The following GPHN variants were observed in gnomAD, a reference collection of about 807,000 sequenced individuals.
The protein encoded by GPHN is gephyrin.
In GPHN, 17 loss-of-function variants were observed where a neutral mutation model predicts 95.5. The observed-to-expected ratio is 0.18, with a 90% CI of 0.12 to 0.27. The LOEUF is 0.27. GPHN is among the 10% of genes least tolerant of loss of function. The pLI is 1.00. For missense variants in GPHN, 660 were observed against 978.1 expected, an observed-to-expected ratio of 0.67 and a Z score of 4.34; for synonymous variants, 320 against 322.5, an observed-to-expected ratio of 0.99 and a Z score of 0.08.
At position 66,562,155 on chromosome 14, in the gene GPHN, C is replaced by G. The variant is rs143462481; in HGVS notation, c.64+53564C>G. On this transcript the variant is annotated intron_variant, in intron 1 of 22. Coordinates refer to ENST00000478722, the MANE Select transcript of GPHN (RefSeq NM_020806.5). Reference sequence around the variant, plus strand: ...GCTACATGAAGGGAAGAAAAAATGTCCTTTTTTCCTCCCTCTACTCTCCTA... The same window carrying G: ...GCTACATGAAGGGAAGAAAAAATGTGCTTTTTTCCTCCCTCTACTCTCCTA... 8.5e-5 allele frequency among the ~76,000 whole-genome samples: 13 copies of G among 152,172 alleles called. No individual in the cohort carries two copies. The East Asian group carries it at 2.5e-3, about 29-fold the overall frequency.
chr14:66,847,850 C>T (rs764373483), intron 4 of GPHN, among the ~76,000 whole-genome samples: 19 of 151,996 alleles, frequency 1.3e-4, no homozygotes, highest in Non-Finnish European at 1.8e-4. Flanking sequence ...CTTAATCTCT[C>T]TTCTCCCCCT....
At chr14:67,023,067 ATAAAT>A (rs1340293425) in intron 9 of GPHN, among the ~76,000 whole-genome samples, 1 of 152,084 alleles carries the variant, frequency 6.6e-6, no homozygotes, top group Non-Finnish European at 1.5e-5. Context: ...TATAACTATG[ATAAAT>A]TATGATAATC....
the GPHN span, chr14:67,453,960 T>TA: frequency 3.6e-4 from 55 of 152,284 alleles, no homozygotes; most frequent in African/African-American, 1.3e-3. Flanking sequence ...AGGAGGGCCT[T>TA]AAAAAAGGTA....
chr14:67,583,765 C>G, the GPHN span: 1 of 1,611,724 alleles, frequency 6.2e-7, no homozygotes, highest in Non-Finnish European at 8.5e-7. Flanking sequence ...CTTGGAGAAG[C>G]CTGCCCTGCC....
intron 3 of GPHN, among the ~76,000 whole-genome samples, chr14:66,808,109 T>C (rs532996437): frequency 6.6e-6 from 1 of 152,224 alleles, no homozygotes; most frequent in South Asian, 2.1e-4. Flanking sequence ...AAATATGTTT[T>C]TAAGTTTTTT....
At chr14:66,509,301 C>CG (rs3840818) in intron 1 of GPHN, 50,176 of 152,186 alleles carry the variant, frequency 0.33, 12,220 homozygotes, top group African/African-American at 0.66. Context: ...AGCCTGCTGC[C>CG]GGGGATCCAG....
At chr14:66,804,196 G>T (rs147551042) in intron 3 of GPHN, among the ~76,000 whole-genome samples, 1 of 152,184 alleles carries the variant, frequency 6.6e-6, no homozygotes, top group African/African-American at 2.4e-5. Context: ...CAGGAATTGA[G>T]CTGGATTACA....
At chr14:66,931,642 G>A (rs1223411911) in intron 8 of GPHN, among the ~76,000 whole-genome samples, 1 of 152,008 alleles carries the variant, frequency 6.6e-6, no homozygotes, top group Non-Finnish European at 1.5e-5. Context: ...TTATGCTGTT[G>A]AAAGACTCTG....
intron 8 of GPHN, among the ~76,000 whole-genome samples, chr14:66,935,702 G>A (rs918403502): frequency 1.1e-4 from 16 of 151,224 alleles, no homozygotes; most frequent in Admixed American, 3.3e-4. Context: ...ACATGTATAC[G>A]TATACATGTG....
At chr14:67,335,477 C>T in the GPHN span, 1 of 152,512 alleles carries the variant, frequency 6.6e-6, no homozygotes, top group Non-Finnish European at 1.5e-5. Context: ...TAGGTTGGTG[C>T]ATAACTTTGT....
intron 4 of GPHN, among the ~76,000 whole-genome samples, chr14:66,844,889 C>T (rs530440014): frequency 1.3e-5 from 2 of 152,206 alleles, no homozygotes; most frequent in Non-Finnish European, 2.9e-5. Flanking sequence ...ATTCCTCCCT[C>T]CCCCAACCCC....
intron 8 of GPHN, among the ~76,000 whole-genome samples, chr14:66,949,718 A>G (rs529837542): frequency 1.3e-5 from 2 of 152,166 alleles, no homozygotes; most frequent in Non-Finnish European, 2.9e-5. Context: ...CAGCCTTGCA[A>G]CTTTGCTTTA....
chr14:66,717,649 A>G (rs1057267395), intron 2 of GPHN, among the ~76,000 whole-genome samples: 3 of 152,178 alleles, frequency 2.0e-5, no homozygotes, highest in African/African-American at 7.2e-5. Flanking sequence ...GACAGAGGGA[A>G]GATCTAGGGC....
the GPHN span, among the ~76,000 whole-genome samples, chr14:67,520,694 C>G: frequency 6.8e-6 from 1 of 148,046 alleles, no homozygotes; most frequent in African/African-American, 2.5e-5. Context: ...TTGGGCGTAC[C>G]ACAGTTTATT....
rs1413922261 is a variant in GPHN at position 66,980,268 on chromosome 14, G to A, written c.963+14943G>A. Reference sequence around the variant, plus strand: ...AAAAATGCAATTATCCATGAAGCACGGTAAAACGAGGTATGCCTGTATACC... The same window carrying A: ...AAAAATGCAATTATCCATGAAGCACAGTAAAACGAGGTATGCCTGTATACC... On this transcript the variant is annotated intron_variant, in intron 9 of 22. Coordinates refer to ENST00000478722, the MANE Select transcript of GPHN (RefSeq NM_020806.5). 3.9e-5 allele frequency among the ~76,000 whole-genome samples: 6 copies of A among 152,062 alleles called. No homozygotes were observed. The East Asian group carries it at 5.8e-4, about 15-fold the overall frequency.
intron 3 of GPHN, among the ~76,000 whole-genome samples, chr14:66,791,493 G>C (rs2059967765): frequency 6.6e-6 from 1 of 152,252 alleles, no homozygotes; most frequent in South Asian, 2.1e-4. Context: ...TATATGCTAA[G>C]TAAGGGGTAC....
At chr14:67,110,448 A>G (rs749072384) in intron 14 of GPHN, among the ~76,000 whole-genome samples, 189 bp downstream of exon 14, 2 of 152,206 alleles carry the variant, frequency 1.3e-5, no homozygotes, top group Non-Finnish European at 2.9e-5. Flanking sequence ...CTTAATCTTG[A>G]AAATCTGTTG....
intron 1 of GPHN, among the ~76,000 whole-genome samples, chr14:66,616,714 C>CT (rs544189083): frequency 2.5e-4 from 37 of 147,886 alleles, no homozygotes; most frequent in Admixed American, 5.4e-4. Context: ...AACAGGACCC[C>CT]TTTTTTTTTT....
the GPHN span, among the ~76,000 whole-genome samples, chr14:67,300,809 T>A: frequency 6.6e-6 from 1 of 152,256 alleles, no homozygotes. Flanking sequence ...TCCATTACAC[T>A]CATATAAATT....
Sources: gnomAD v4.1 joint callset for allele counts (sites outside exome capture counted in the v4.1 genomes callset) on GRCh38, gnomAD v4.1.1 for gene constraint, MANE v1.5 for transcripts, NCBI Gene and HGNC (gene_info 2026-07-23, HGNC 2026-07-21) for gene names.